Variants in MBD2 observed in about 807,000 individuals in gnomAD.
MBD2 encodes methyl-CpG-binding domain protein 2.
In MBD2, 9 loss-of-function variants were observed where a neutral mutation model predicts 39.3. The observed-to-expected ratio is 0.23, with a 90% CI of 0.14 to 0.40. MBD2 has a LOEUF of 0.40. MBD2 is among the 10% of genes least tolerant of loss of function. The probability of loss-of-function intolerance (pLI) is 1.00; values close to 1 mark genes in which losing one functional copy is unlikely to be tolerated. For missense variants in MBD2, 458 were observed against 532.6 expected, an observed-to-expected ratio of 0.86 and a Z score of 1.38; for synonymous variants, 233 against 211.1, an observed-to-expected ratio of 1.10 and a Z score of -0.90.
intron 6 of MBD2, among the ~76,000 whole-genome samples, chr18:54,157,924 T>C (rs891574591): frequency 8.5e-5 from 13 of 152,174 alleles, no homozygotes; most frequent in African/African-American, 3.1e-4. Flanking sequence ...TCCCAACCTA[T>C]TGGCATGTCA....
chr18:54,215,236 A>G (rs2086547214), intron 1 of MBD2, among the ~76,000 whole-genome samples: 2 of 152,222 alleles, frequency 1.3e-5, no homozygotes, highest in Admixed American at 6.5e-5. Context: ...AAGTAAGTCC[A>G]CAAGTGTAGA....
At chr18:54,217,179 G>A (rs927786188) in intron 1 of MBD2, among the ~76,000 whole-genome samples, 3 of 152,136 alleles carry the variant, frequency 2.0e-5, no homozygotes, top group African/African-American at 7.2e-5. Context: ...TGAGAAATGC[G>A]AAGTGTTCAA....
intron 1 of MBD2, among the ~76,000 whole-genome samples, chr18:54,215,489 A>ATTTT (rs1322093635): frequency 1.2e-3 from 174 of 139,282 alleles, no homozygotes; most frequent in African/African-American, 4.4e-3. Context: ...CTGAGGATAG[A>ATTTT]TTTTTTTTTT....
At position 54,209,834 on chromosome 18, in the gene MBD2, T is replaced by A. The variant is rs140085981; in HGVS notation, c.543-4677A>T. On this transcript the variant is annotated intron_variant, in intron 1 of 6. Coordinates refer to ENST00000256429, the MANE Select transcript of MBD2 (RefSeq NM_003927.5). ...AAATGCTAGATGAACAAAAAGACTGTCACCTAAGTTCTAGTCTTACCCAAA... is the reference window on the plus strand; with the variant it reads ...AAATGCTAGATGAACAAAAAGACTGACACCTAAGTTCTAGTCTTACCCAAA... Among the ~76,000 whole-genome samples, 62 of 152,310 alleles carry A rather than the reference T, an allele frequency of 4.1e-4. No homozygotes were observed. In the East Asian group the frequency reaches 0.011, roughly 27 times the overall value.
chr18:54,166,100 T>C lies in MBD2; in HGVS notation c.907A>G (p.Met303Val), dbSNP rs1423668139. Residue 303 changes from methionine (M) to valine (V), a missense_variant, in exon 4 of 7, where the codon ATG becomes GTG. Physicochemically the swap from Met to Val is conservative, Grantham distance 21 (BLOSUM62 1). This residue lies in a region of MBD2 where 189 missense variants were observed against 296.6 expected (regional missense o/e 0.64). Transcript: ENST00000256429. ...CCTTGAAGACCTTTGGGTAGTTCCA[T>C]GGTTTTTATAATTTGTTCTGTTACA... ...SDVTEQIIKT[M>V]ELPKGLQGVG... 1.9e-6 allele frequency: 3 copies of C among 1,613,578 alleles called. No homozygotes were observed. The highest frequency in any genetic ancestry group is 1.7e-5 in the Admixed American group (1 of 59,974).
At chr18:54,160,120 T>A (rs1273932748) in intron 5 of MBD2, 12 of 491,898 alleles carry the variant, frequency 2.4e-5, no homozygotes, top group Non-Finnish European at 4.4e-5. Context: ...TTATCCCTCA[T>A]CACACATGAA....
intron 3 of MBD2, among the ~76,000 whole-genome samples, chr18:54,186,870 G>T (rs1370396005): frequency 6.6e-6 from 1 of 152,198 alleles, no homozygotes; most frequent in African/African-American, 2.4e-5. Context: ...TAAGTTTTTT[G>T]GGGAGAGATG....
In MBD2 at chr18:54,160,360, G is replaced by A. The variant is rs1036075364; in HGVS notation, c.1110-457C>T. On this transcript the variant is annotated intron_variant, in intron 5 of 6. Coordinates refer to ENST00000256429, the MANE Select transcript of MBD2 (RefSeq NM_003927.5). ...AGCTGGGGTTTGATTGACATTCTGC[G>A]GCTAGGTTAGTTAGGAGAGAGCTCT... Among the ~76,000 whole-genome samples the A allele has an allele frequency of 1.6e-4, 24 of 152,244 alleles. 1 individual carries two copies. The highest frequency in any genetic ancestry group is 4.2e-4 in the South Asian group (2 of 4,816).
At chr18:54,155,833 G>A (rs1225297195) in intron 6 of MBD2, among the ~76,000 whole-genome samples, 2 of 152,176 alleles carry the variant, frequency 1.3e-5, no homozygotes, top group Admixed American at 6.5e-5. Context: ...AACTATTTAT[G>A]TATTTGATAT....
intron 3 of MBD2, among the ~76,000 whole-genome samples, chr18:54,180,897 CTTTTTCTTTTTTTTTTTTTT>C (rs1164193781): frequency 9.5e-6 from 1 of 105,372 alleles, no homozygotes; most frequent in Non-Finnish European, 1.8e-5. Flanking sequence ...TTAATTTTTT[CTTTTTCTTTTTTTTTTTTTT>C]TTTTTTTTTG....
intron 2 of MBD2, among the ~76,000 whole-genome samples, chr18:54,196,376 C>A (rs1289780627): frequency 6.6e-6 from 1 of 152,130 alleles, no homozygotes; most frequent in Non-Finnish European, 1.5e-5. Flanking sequence ...TTGAAGAGTT[C>A]TGCTTGAAAA....
intron 2 of MBD2, among the ~76,000 whole-genome samples, chr18:54,194,821 A>C (rs573927705): frequency 6.6e-6 from 1 of 152,102 alleles, no homozygotes; most frequent in Non-Finnish European, 1.5e-5. Context: ...AAAATTTAAC[A>C]ATCAGTCAAC....
intron 3 of MBD2, among the ~76,000 whole-genome samples, chr18:54,177,016 C>T (rs2086216554): frequency 6.6e-6 from 1 of 152,198 alleles, no homozygotes; most frequent in Admixed American, 6.5e-5. Context: ...AACTTACACA[C>T]AGTGGGTATA....
At chr18:54,221,130 T>C (rs975708415) in intron 1 of MBD2, among the ~76,000 whole-genome samples, 1 of 152,208 alleles carries the variant, frequency 6.6e-6, no homozygotes, top group African/African-American at 2.4e-5. Context: ...CGACTTGCCT[T>C]AAGATGAATT....
At position 54,224,208 on chromosome 18, in the gene MBD2, C is replaced by T; in HGVS notation, c.352G>A (p.Gly118Ser). 8.5e-7 allele frequency: 1 copy of T among 1,174,278 alleles called. No homozygotes were observed. The highest frequency in any genetic ancestry group is 1.0e-6 in the Non-Finnish European group (1 of 952,866). The allele number at this position is 1,174,278 out of a possible 1,614,324, so 72.7% of individuals were successfully genotyped here. ...GGGCGGGGSG[G>S]GGAPRREPVP... is the part of the protein sequence containing the mutation. ...GGCTCCCGCCGGGGGGCGCCGCCGC[C>T]ACCGCTGCCGCCGCCGCCGCAGCCG... is the stretch of plus-strand genomic sequence containing the variant. Residue 118 changes from glycine (G) to serine (S), a missense_variant, in exon 1 of 7, where the codon GGC becomes AGC. Around this residue, in one of 2 missense-constraint regions of MBD2, gnomAD observed 269 missense variants for 236.0 expected, o/e 1.14. Transcript: ENST00000256429.
At chr18:54,187,023 C>T (rs1291690359) in intron 3 of MBD2, among the ~76,000 whole-genome samples, 1 of 152,192 alleles carries the variant, frequency 6.6e-6, no homozygotes, top group African/African-American at 2.4e-5. Flanking sequence ...AACTTTAAAA[C>T]TCTAAGTTAC....
chr18:54,173,146 A>AT (rs2086189931), intron 3 of MBD2, among the ~76,000 whole-genome samples: 1 of 152,050 alleles, frequency 6.6e-6, no homozygotes, highest in Non-Finnish European at 1.5e-5. Context: ...TCAGTTGGGG[A>AT]TTTCTTGCTA....
intron 3 of MBD2, among the ~76,000 whole-genome samples, chr18:54,172,453 G>A (rs991341470): frequency 6.6e-6 from 1 of 152,028 alleles, no homozygotes; most frequent in Non-Finnish European, 1.5e-5. Context: ...AAAAAGAAAG[G>A]GAGTGATTTG....
chr18:54,215,600 A>G (rs2086551525), intron 1 of MBD2, among the ~76,000 whole-genome samples: 2 of 151,670 alleles, frequency 1.3e-5, no homozygotes, highest in South Asian at 4.2e-4. Context: ...GGTTCAAGCA[A>G]TTCTCCTGCC....
Sources: gnomAD v4.1 joint callset for allele counts (sites outside exome capture counted in the v4.1 genomes callset) on GRCh38, gnomAD v4.1.1 for gene constraint, gnomAD v4.1.1 regional missense constraint, MANE v1.5 for transcripts, NCBI Gene and HGNC (gene_info 2026-07-23, HGNC 2026-07-21) for gene names.